Variants in CNBD1 observed in about 807,000 individuals in gnomAD.
CNBD1 encodes cyclic nucleotide binding domain containing 1.
CNBD1 carries 71 observed loss-of-function variants against 54.4 expected under a neutral mutation model. The observed-to-expected ratio is 1.30, with a 90% confidence interval of 1.08 to 1.59. CNBD1 has a LOEUF of 1.59. CNBD1 is among the 40% of genes most tolerant of loss of function. The pLI, the probability that CNBD1 is intolerant of heterozygous loss-of-function variation, is 0.00. For synonymous variants in CNBD1, 182 were observed against 170.7 expected, an observed-to-expected ratio of 1.07 and a Z score of -0.51; for missense variants, 659 against 518.0, an observed-to-expected ratio of 1.27 and a Z score of -2.64.
At chr8:87,383,035 T>G (rs565830493), downstream of CNBD1, among the ~76,000 whole-genome samples, 1 of 152,092 alleles carries the variant, frequency 6.6e-6, no homozygotes, top group East Asian at 1.9e-4. Flanking sequence ...CATGTGCCTT[T>G]TGGGATTAAA....
At chr8:87,369,301 G>A (rs1469718465) in intron 10 of CNBD1, among the ~76,000 whole-genome samples, 3 of 151,880 alleles carry the variant, frequency 2.0e-5, no homozygotes, top group Non-Finnish European at 2.9e-5. Flanking sequence ...CTACCATTCC[G>A]TACATGCTGT....
At chr8:87,025,090 A>G (rs1809606275) in intron 4 of CNBD1, among the ~76,000 whole-genome samples, 1 of 152,064 alleles carries the variant, frequency 6.6e-6, no homozygotes, top group African/African-American at 2.4e-5. Context: ...GGGGACTTGG[A>G]GAACTTTTGT....
At chr8:87,132,438 G>A (rs946922133) in intron 4 of CNBD1, among the ~76,000 whole-genome samples, 6 of 150,960 alleles carry the variant, frequency 4.0e-5, no homozygotes, top group African/African-American at 1.5e-4. Context: ...ACAGAGAAAA[G>A]AAAAAGATTT....
chr8:87,377,503 T>C (rs1810974080), intron 10 of CNBD1, among the ~76,000 whole-genome samples: 1 of 152,026 alleles, frequency 6.6e-6, no homozygotes, highest in Non-Finnish European at 1.5e-5. Context: ...TATGGCTGCA[T>C]AGTATTCCAT....
chr8:87,424,345 C>T (rs1808004603), intron 2 of CNBD1, among the ~76,000 whole-genome samples: 1 of 151,996 alleles, frequency 6.6e-6, no homozygotes, highest in Non-Finnish European at 1.5e-5. Flanking sequence ...TCGTGCTTTT[C>T]TAGTTCTTTT....
intron 4 of CNBD1, among the ~76,000 whole-genome samples, chr8:87,018,674 C>T (rs1047057763): frequency 6.6e-6 from 1 of 152,090 alleles, no homozygotes; most frequent in Non-Finnish European, 1.5e-5. Context: ...ATTCTAAAGA[C>T]CAGAGATACA....
At chr8:87,260,296 A>T (rs1189720438) in intron 6 of CNBD1, among the ~76,000 whole-genome samples, 1 of 152,178 alleles carries the variant, frequency 6.6e-6, no homozygotes, top group Non-Finnish European at 1.5e-5. Flanking sequence ...GCTCTCAAAG[A>T]CATAAAACAA....
chr8:87,387,979 A>T (rs985327442), intron 2 of CNBD1, among the ~76,000 whole-genome samples: 2 of 152,178 alleles, frequency 1.3e-5, no homozygotes, highest in Non-Finnish European at 2.9e-5. Context: ...CTACATGGAA[A>T]CTGAACAACC....
At chr8:87,118,444 T>C (rs956942932) in intron 4 of CNBD1, among the ~76,000 whole-genome samples, 36 of 151,988 alleles carry the variant, frequency 2.4e-4, no homozygotes, top group Non-Finnish European at 8.8e-5. Flanking sequence ...TGAGAAAATA[T>C]TATTTGAGAA....
intron 4 of CNBD1, among the ~76,000 whole-genome samples, chr8:87,000,882 A>T (rs1808976898): frequency 1.3e-5 from 2 of 152,136 alleles, no homozygotes. Context: ...TTATCCATAT[A>T]AGTAGACTAG....
chr8:87,333,253 C>T (rs1356832584), intron 8 of CNBD1, among the ~76,000 whole-genome samples: 4 of 152,130 alleles, frequency 2.6e-5, no homozygotes, highest in South Asian at 2.1e-4. Context: ...AGTTGCTTAT[C>T]AGCTTAAGGA....
intron 2 of CNBD1, among the ~76,000 whole-genome samples, chr8:87,389,230 A>G (rs1008692323): frequency 4.6e-5 from 7 of 152,166 alleles, no homozygotes; most frequent in African/African-American, 1.7e-4. Context: ...TATTCAACAT[A>G]GTGTTGGAAG....
intron 2 of CNBD1, among the ~76,000 whole-genome samples, chr8:87,425,399 T>A (rs549075055): frequency 6.6e-6 from 1 of 152,146 alleles, no homozygotes; most frequent in South Asian, 2.1e-4. Flanking sequence ...GGCGCTCTGA[T>A]TTTTAGAGTT....
At chr8:87,193,052 TAAAAC>T (rs778223679) in intron 4 of CNBD1, among the ~76,000 whole-genome samples, 1 of 152,154 alleles carries the variant, frequency 6.6e-6, no homozygotes, top group Non-Finnish European at 1.5e-5. Context: ...TTATTTAAAA[TAAAAC>T]AAAATAACCA....
At chr8:87,162,018 C>G (rs542471471) in intron 4 of CNBD1, among the ~76,000 whole-genome samples, 1 of 151,928 alleles carries the variant, frequency 6.6e-6, no homozygotes, top group East Asian at 1.9e-4. Context: ...TTCAAACTTA[C>G]GTCTTGGTGT....
intron 4 of CNBD1, among the ~76,000 whole-genome samples, chr8:87,192,657 C>T (rs949929110): frequency 4.6e-5 from 7 of 152,180 alleles, no homozygotes; most frequent in Admixed American, 3.9e-4. Context: ...GAGTAACCAA[C>T]TAATTAAAAT....
rs555048454 is a variant in CNBD1, at chr8:86,893,728, G to A, written c.158+6117G>A. 4.6e-5 allele frequency among the ~76,000 whole-genome samples: 7 copies of A among 152,240 alleles called. 1 individual carries two copies. The South Asian group carries it at 1.5e-3, about 32-fold the overall frequency. On this transcript the variant is annotated intron_variant, in intron 2 of 10. Coordinates refer to ENST00000518476, the MANE Select transcript of CNBD1 (RefSeq NM_173538.3). ...TTATTTCAGTGCATGATACATAGCTGACATTCAAAAAATACTTGTGGAATG... is the reference window on the plus strand; with the variant it reads ...TTATTTCAGTGCATGATACATAGCTAACATTCAAAAAATACTTGTGGAATG...
chr8:87,243,964 A>C (rs1420474637), intron 6 of CNBD1, among the ~76,000 whole-genome samples: 2 of 152,098 alleles, frequency 1.3e-5, no homozygotes, highest in African/African-American at 4.8e-5. Context: ...GTATAAATTT[A>C]TGGGGAATAT....
intron 2 of CNBD1, among the ~76,000 whole-genome samples, chr8:87,409,188 A>T (rs1807699366): frequency 6.6e-6 from 1 of 152,166 alleles, no homozygotes; most frequent in Non-Finnish European, 1.5e-5. Context: ...AAAATTAAAA[A>T]GTTTTACTCC....
Sources: gnomAD v4.1 joint callset for allele counts (sites outside exome capture counted in the v4.1 genomes callset) on GRCh38, gnomAD v4.1.1 for gene constraint, MANE v1.5 for transcripts, NCBI Gene and HGNC (gene_info 2026-07-23, HGNC 2026-07-21) for gene names.